Variants in ENOPH1 observed in about 807,000 individuals in gnomAD.
ENOPH1 encodes enolase-phosphatase 1.
Under a neutral mutation model 31.1 loss-of-function variants are expected in ENOPH1, and 14 were observed. The observed-to-expected ratio is 0.45, with a 90% confidence interval of 0.30 to 0.70. The LOEUF (loss-of-function observed/expected upper bound fraction) is 0.70. Among genes scored for constraint, ENOPH1 ranks in the 30% least tolerant of loss-of-function variants. The pLI is 0.09. For synonymous variants in ENOPH1, 127 were observed against 123.2 expected (o/e 1.03, Z -0.21); for missense variants, 243 against 321.5 (o/e 0.76, Z 1.87).
intron 1 of ENOPH1, among the ~76,000 whole-genome samples, chr4:82,440,886 T>G (rs1254014222): frequency 6.6e-6 from 1 of 152,222 alleles, no homozygotes; most frequent in Non-Finnish European, 1.5e-5. Flanking sequence ...CCTACACCCC[T>G]TGTATGGGTC....
intron 1 of ENOPH1, among the ~76,000 whole-genome samples, chr4:82,446,146 A>G (rs1406354392): frequency 1.3e-5 from 2 of 152,150 alleles, no homozygotes; most frequent in Non-Finnish European, 2.9e-5. Context: ...CACCAGGCAC[A>G]GTGACTCACG....
intron 1 of ENOPH1, among the ~76,000 whole-genome samples, chr4:82,431,564 C>A (rs1721761758): frequency 6.6e-6 from 1 of 152,234 alleles, no homozygotes; most frequent in African/African-American, 2.4e-5. Context: ...AAGCTCTTAT[C>A]CAGAGCATTC....
rs3796470 is a variant in ENOPH1, at chr4:82,460,411, C to A, written c.*291C>A. The stretch of plus-strand genomic sequence containing the variant: ...AGTTGGTAGAAGAAATTGCTAAATA[C>A]CTATCTAATGTGCTATGTTTATCAA... On this transcript the variant is annotated 3_prime_UTR_variant, in exon 6 of 6. Coordinates refer to ENST00000273920, the MANE Select transcript of ENOPH1 (RefSeq NM_021204.5). 0.039 allele frequency: 9,139 copies of A among 233,982 alleles called. 332 individuals carry two copies. The highest frequency in any genetic ancestry group is 0.14 in the East Asian group (1,549 of 11,286). The allele number at this position is 233,982 out of a possible 1,614,324, so 14.5% of individuals were successfully genotyped here.
intron 1 of ENOPH1, among the ~76,000 whole-genome samples, chr4:82,434,314 T>A (rs1412942637): frequency 6.6e-6 from 1 of 152,200 alleles, no homozygotes; most frequent in Non-Finnish European, 1.5e-5. Context: ...CCAGGTACGG[T>A]GGCTCAGGCA....
intron 1 of ENOPH1, among the ~76,000 whole-genome samples, chr4:82,433,393 G>A (rs886172211): frequency 1.3e-5 from 2 of 152,134 alleles, no homozygotes; most frequent in African/African-American, 4.8e-5. Context: ...TGAATTTGAC[G>A]CTAGGCAATG....
At chr4:82,455,642 C>G (rs972173925) in intron 4 of ENOPH1, among the ~76,000 whole-genome samples, 1 of 151,302 alleles carries the variant, frequency 6.6e-6, no homozygotes, top group Non-Finnish European at 1.5e-5. Flanking sequence ...AAAAATTAGC[C>G]GGACGTGGTG....
chr4:82,442,200 T>C (rs1363916389), intron 1 of ENOPH1, among the ~76,000 whole-genome samples: 1 of 152,206 alleles, frequency 6.6e-6, no homozygotes. Flanking sequence ...TAATTATTTG[T>C]CTTTGTAGGG....
intron 1 of ENOPH1, 60 bp downstream of exon 1, chr4:82,430,973 T>C: frequency 6.6e-7 from 1 of 1,518,546 alleles, no homozygotes. Flanking sequence ...TTATTTTTTC[T>C]AAGTATTTCA....
chr4:82,439,180 T>G (rs933901108), intron 1 of ENOPH1, among the ~76,000 whole-genome samples: 9 of 152,228 alleles, frequency 5.9e-5, no homozygotes, highest in African/African-American at 2.2e-4. Flanking sequence ...AGAAAGGGGT[T>G]GTTTGCCTTC....
intron 5 of ENOPH1, among the ~76,000 whole-genome samples, chr4:82,459,630 G>A (rs535104497): frequency 3.3e-4 from 50 of 152,144 alleles, no homozygotes; most frequent in Non-Finnish European, 6.0e-4. Context: ...CTCAGTTCTC[G>A]GTATGGGCTG....
rs1722341583 is a variant in ENOPH1 at position 82,451,215 on chromosome 4, C to T, written c.359C>T (p.Ala120Val). 5 of 1,614,054 alleles carry T rather than the reference C, an allele frequency of 3.1e-6. No individual in the cohort carries two copies. Among genetic ancestry groups the T allele is most frequent in the African/African-American group, 1.3e-5 (1 of 74,920 alleles). ...CAGCTGCAGGGCCACATGTGGAGGGCGGCATTCACAGCTGGGCGCATGAAA... is the reference window on the plus strand; with the variant it reads ...CAGCTGCAGGGCCACATGTGGAGGGTGGCATTCACAGCTGGGCGCATGAAA... Reference protein sequence around the residue: ...LKQLQGHMWRAAFTAGRMKAE... With the variant: ...LKQLQGHMWRVAFTAGRMKAE... Residue 120 changes from alanine (A) to valine (V), a missense_variant, in exon 3 of 6, where the codon GCG becomes GTG. Ala to Val is a moderately conservative substitution (Grantham distance 64). Coordinates refer to ENST00000273920, the MANE Select transcript of ENOPH1 (RefSeq NM_021204.5).
At chr4:82,440,683 C>A (rs907547469) in intron 1 of ENOPH1, among the ~76,000 whole-genome samples, 1 of 152,194 alleles carries the variant, frequency 6.6e-6, no homozygotes, top group African/African-American at 2.4e-5. Flanking sequence ...CAATTACTAG[C>A]CCTCTTGTAC....
At chr4:82,436,000 C>G (rs1460944576) in intron 1 of ENOPH1, among the ~76,000 whole-genome samples, 1 of 152,140 alleles carries the variant, frequency 6.6e-6, no homozygotes, top group Non-Finnish European at 1.5e-5. Context: ...CAGGAAGTGT[C>G]AGACTGGAGG....
intron 1 of ENOPH1, among the ~76,000 whole-genome samples, chr4:82,436,369 T>C (rs1276368555): frequency 3.3e-5 from 5 of 152,154 alleles, no homozygotes; most frequent in Admixed American, 1.3e-4. Flanking sequence ...GGAGAATCAC[T>C]GTCTTGCGTA....
chr4:82,457,636 ATGACACAGGAAAT>A (rs2110048337), intron 5 of ENOPH1, among the ~76,000 whole-genome samples: 1 of 152,070 alleles, frequency 6.6e-6, no homozygotes, highest in African/African-American at 2.4e-5. Context: ...CACACACACT[ATGACACAGGAAAT>A]TAACAGGAAG....
intron 3 of ENOPH1, among the ~76,000 whole-genome samples, chr4:82,453,163 A>G (rs1189491005): frequency 1.3e-5 from 2 of 152,180 alleles, no homozygotes; most frequent in Non-Finnish European, 2.9e-5. Context: ...TGGCCTCCCA[A>G]AGTGCTGGGA....
chr4:82,438,893 A>G (rs1274094946), intron 1 of ENOPH1, among the ~76,000 whole-genome samples: 1 of 152,212 alleles, frequency 6.6e-6, no homozygotes, highest in African/African-American at 2.4e-5. Flanking sequence ...TCTTTTTTAC[A>G]ATAAAAGGTT....
chr4:82,432,087 T>G (rs1294857964), intron 1 of ENOPH1, among the ~76,000 whole-genome samples: 2 of 152,166 alleles, frequency 1.3e-5, no homozygotes, highest in Admixed American at 1.3e-4. Flanking sequence ...GGCTAATTTT[T>G]GTATTTTTTG....
At chr4:82,440,184 C>G (rs1231769607) in intron 1 of ENOPH1, among the ~76,000 whole-genome samples, 1 of 152,146 alleles carries the variant, frequency 6.6e-6, no homozygotes, top group Non-Finnish European at 1.5e-5. Context: ...GGCAGTTACT[C>G]CCATTACTAT....
Sources: allele counts gnomAD v4.1 joint callset (sites outside exome capture counted in the v4.1 genomes callset), GRCh38; gene constraint gnomAD v4.1.1; transcripts MANE v1.5; gene names NCBI Gene and HGNC (gene_info 2026-07-23, HGNC 2026-07-21).